PCDHA3: variants seen among roughly 807,000 people sequenced by gnomAD.
The protein encoded by PCDHA3 is protocadherin alpha 3, also known as protocadherin alpha-3.
PCDHA3 carries 41 observed loss-of-function variants against 62.2 expected under a neutral mutation model. The ratio of observed to expected loss-of-function variants is 0.66; its 90% confidence interval spans 0.51 to 0.86. PCDHA3 has a LOEUF of 0.86. PCDHA3 is among the 40% of genes least tolerant of loss of function. PCDHA3 has a pLI of 0.00. For synonymous variants in PCDHA3, 640 were observed against 555.4 expected (o/e 1.15, Z -2.14); for missense variants, 1,304 against 1,241.2 (o/e 1.05, Z -0.76).
At chr5:140,848,367 G>C in intron 1 of PCDHA3, 3 of 1,100,452 alleles carry the variant, frequency 2.7e-6, no homozygotes, top group Non-Finnish European at 4.0e-6. Context: ...TGGGAAAGAG[G>C]CTCAATTCTT....
rs546684407 is a variant in PCDHA3 at position 140,870,806 on chromosome 5, A to G, written c.2394+67215A>G. 6.2e-6 allele frequency: 10 copies of G among 1,613,688 alleles called. No individual in the cohort carries two copies. In the Admixed American group the frequency reaches 1.7e-4, roughly 27 times the overall value. ...AACGCGCCGGCACTGCTGGCGACTC[A>G]GGCTGGCAGCGCGGGAGGCGCAGTT... is the stretch of plus-strand genomic sequence containing the variant. On this transcript the variant is annotated intron_variant, in intron 1 of 3. Transcript: ENST00000522353.
At chr5:140,850,136 C>A in intron 1 of PCDHA3, 1 of 1,595,682 alleles carries the variant, frequency 6.3e-7, no homozygotes, top group Non-Finnish European at 8.6e-7. Context: ...CTCTGGGCAG[C>A]AACGTGACGC....
chr5:140,925,905 G>A (rs1241819632), intron 1 of PCDHA3, among the ~76,000 whole-genome samples: 1 of 151,822 alleles, frequency 6.6e-6, no homozygotes, highest in Admixed American at 6.6e-5. Flanking sequence ...GATCGTCAAG[G>A]GCCGTTTGCA....
At chr5:140,872,801 C>T (rs2053909345) in intron 1 of PCDHA3, among the ~76,000 whole-genome samples, 1 of 152,086 alleles carries the variant, frequency 6.6e-6, no homozygotes, top group African/African-American at 2.4e-5. Context: ...GGCATTCTTC[C>T]ATAAGTTTTT....
intron 1 of PCDHA3, among the ~76,000 whole-genome samples, chr5:140,827,240 A>G (rs1263320018): frequency 3.3e-5 from 5 of 152,204 alleles, no homozygotes; most frequent in African/African-American, 9.6e-5. Context: ...ACAGGGTTGA[A>G]GTTGAGAGAG....
chr5:140,966,788 C>A, intron 1 of PCDHA3: 1 of 1,527,436 alleles, frequency 6.5e-7, no homozygotes, highest in African/African-American at 1.4e-5. Flanking sequence ...GGGCACCAGA[C>A]CTGCGGCGAC....
At chr5:140,806,699 G>T (rs1763769957) in intron 1 of PCDHA3, among the ~76,000 whole-genome samples, 1 of 152,170 alleles carries the variant, frequency 6.6e-6, no homozygotes, top group African/African-American at 2.4e-5. Context: ...ACAGGAATCT[G>T]TAATGAATTT....
intron 1 of PCDHA3, chr5:140,829,019 T>G: frequency 6.2e-7 from 1 of 1,613,680 alleles, no homozygotes; most frequent in South Asian, 1.1e-5. Flanking sequence ...TAATTTGGAT[T>G]TTGAACAAGA....
intron 1 of PCDHA3, chr5:140,864,603 C>A (rs1230930036): frequency 3.3e-5 from 5 of 152,210 alleles, no homozygotes; most frequent in Non-Finnish European, 7.3e-5. Flanking sequence ...AGATAGCCAA[C>A]AACTTTGTTC....
intron 1 of PCDHA3, among the ~76,000 whole-genome samples, chr5:140,947,982 T>C (rs1178353293): frequency 1.3e-5 from 2 of 148,572 alleles, no homozygotes; most frequent in Admixed American, 1.3e-4. Flanking sequence ...CTCATAGGTT[T>C]TTCCCAAATA....
At chr5:140,841,796 G>A in intron 1 of PCDHA3, 2 of 1,613,920 alleles carry the variant, frequency 1.2e-6, no homozygotes, top group Non-Finnish European at 8.5e-7. Flanking sequence ...GGGCGCGTCC[G>A]ATGCAGATGT....
chr5:140,934,346 G>T (rs941608404), intron 1 of PCDHA3, among the ~76,000 whole-genome samples: 1 of 152,130 alleles, frequency 6.6e-6, no homozygotes, highest in South Asian at 2.1e-4. Flanking sequence ...CACCAGTACA[G>T]TGTGGAGCCA....
At chr5:140,938,133 A>G (rs2091933876) in intron 1 of PCDHA3, among the ~76,000 whole-genome samples, 1 of 152,268 alleles carries the variant, frequency 6.6e-6, no homozygotes, top group South Asian at 2.1e-4. Context: ...AAAAATAGAG[A>G]TAGAGTCTCA....
At chr5:140,840,491 G>T (rs1308203104) in intron 1 of PCDHA3, among the ~76,000 whole-genome samples, 3 of 152,018 alleles carry the variant, frequency 2.0e-5, no homozygotes, top group Non-Finnish European at 2.9e-5. Context: ...GCATAATTCT[G>T]GTAAATACTC....
chr5:140,916,602 C>T (rs1554197542), intron 1 of PCDHA3, among the ~76,000 whole-genome samples: 2 of 152,240 alleles, frequency 1.3e-5, no homozygotes, highest in African/African-American at 2.4e-5. Context: ...GCCTGGAATG[C>T]GGGCCTCATG....
rs1554122295 is a variant in PCDHA3, at chr5:140,802,702, G to A, written c.1505G>A (p.Arg502His). ...YSLVERRVGE[R>H]ALSSYVSVHA... ...CTGGTGGAACGGCGGGTGGGGGAGC[G>A]CGCGCTGTCGAGCTACGTGTCGGTA... The change falls in exon 1 of 4, where the codon CGC becomes CAC. Residue 502 changes from arginine (R) to histidine (H), a missense_variant. Physicochemically the swap from Arg to His is conservative, Grantham distance 29 (BLOSUM62 0). Transcript: ENST00000522353. 6 of 1,612,366 alleles carry A rather than the reference G, an allele frequency of 3.7e-6. No individual in the cohort carries two copies. The highest frequency in any genetic ancestry group is 2.2e-5 in the East Asian group (1 of 44,896).
chr5:140,851,028 C>T lies in PCDHA3; in HGVS notation c.2394+47437C>T, dbSNP rs574627365. The T allele has an allele frequency of 7.8e-6, 11 of 1,410,018 alleles. 1 individual carries two copies. The highest frequency in any genetic ancestry group is 3.7e-5 in the South Asian group (2 of 54,752). 87.3% of individuals were successfully genotyped at this position (1,410,018 alleles called of 1,614,324 possible). ...GATTTTTTTTCTGATAAAGTAAACC[C>T]CTTAACATTGGAGCCGACTTTGTCT... On this transcript the variant is annotated intron_variant, in intron 1 of 3. Transcript: ENST00000522353.
chr5:140,850,326 C>A (rs2150479866), intron 1 of PCDHA3: 3 of 1,597,642 alleles, frequency 1.9e-6, no homozygotes, highest in East Asian at 2.2e-5. Flanking sequence ...TTCATACGAG[C>A]TGCAGCCAGA....
At chr5:140,953,228 G>C (rs2094861370) in intron 1 of PCDHA3, among the ~76,000 whole-genome samples, 2 of 152,124 alleles carry the variant, frequency 1.3e-5, no homozygotes, top group African/African-American at 4.8e-5. Context: ...CTTCTGCTTG[G>C]TAGCAGTTCA....
Sources: allele counts gnomAD v4.1 joint callset (sites outside exome capture counted in the v4.1 genomes callset), GRCh38; gene constraint gnomAD v4.1.1; transcripts MANE v1.5; gene names NCBI Gene and HGNC (gene_info 2026-07-23, HGNC 2026-07-21).